The following SCGN variants were observed in gnomAD, a reference collection of about 807,000 sequenced individuals.
SCGN encodes the protein secretagogin.
Under a neutral mutation model 39.7 loss-of-function variants are expected in SCGN, and 30 were observed. The ratio of observed to expected loss-of-function variants is 0.76; its 90% CI spans 0.57 to 1.03. The LOEUF is 1.03. Among genes scored for constraint, SCGN ranks in the 50% least tolerant of loss-of-function variants. SCGN has a pLI of 0.00. For missense variants in SCGN, 353 were observed against 349.4 expected, an observed-to-expected ratio of 1.01 and a Z score of -0.08; for synonymous variants, 106 against 114.1, an observed-to-expected ratio of 0.93 and a Z score of 0.45.
intron 4 of SCGN, among the ~76,000 whole-genome samples, chr6:25,667,288 T>C (rs978286554): frequency 2.6e-5 from 4 of 152,166 alleles, no homozygotes; most frequent in African/African-American, 9.6e-5. Flanking sequence ...ATTCCACTTT[T>C]CCTGCCTTTG....
At chr6:25,683,353 C>A (rs1759662499) in intron 7 of SCGN, among the ~76,000 whole-genome samples, 1 of 152,148 alleles carries the variant, frequency 6.6e-6, no homozygotes. Context: ...CAAAAGCTTG[C>A]AATCTCATGG....
intron 6 of SCGN, among the ~76,000 whole-genome samples, chr6:25,671,157 G>A (rs1418440714): frequency 6.6e-6 from 1 of 152,142 alleles, no homozygotes; most frequent in East Asian, 1.9e-4. Flanking sequence ...TTTAATTGGT[G>A]TTTCCAAATA....
At position 25,661,510 on chromosome 6, in the gene SCGN, G is replaced by T. The variant is rs535880485; in HGVS notation, c.154-42G>T. The T allele has an allele frequency of 9.4e-5, 124 of 1,324,608 alleles. No homozygotes were observed. In the South Asian group the frequency reaches 1.4e-3, roughly 15 times the overall value. 82.1% of individuals were successfully genotyped at this position (1,324,608 alleles called of 1,614,324 possible). ...TTTGCCATCCTAACTATATCTTTGA[G>T]ATTCCAGTGGCTTTAATGTGGCTCT... On this transcript the variant is annotated intron_variant, in intron 2 of 10. Coordinates refer to ENST00000377961, the MANE Select transcript of SCGN (RefSeq NM_006998.4).
In SCGN at chr6:25,664,899, A is replaced by G. The variant is rs375883570; in HGVS notation, c.247-44A>G. The G allele has an allele frequency of 2.0e-6, 3 of 1,478,442 alleles. No individual in the cohort carries two copies. The African/African-American group carries it at 4.2e-5, about 20-fold the overall frequency. The allele number at this position is 1,478,442 out of a possible 1,614,324, so 91.6% of individuals were successfully genotyped here. A position where few individuals can be genotyped will look rare whatever the true frequency, so the allele number is the denominator to read the frequency against. ...TTACCAGGGAGCACTCTTGAAATGG[A>G]CACTGGCCAGTGTCCCTGACTGTTA... On this transcript the variant is annotated intron_variant, in intron 3 of 10. Coordinates refer to ENST00000377961, the MANE Select transcript of SCGN (RefSeq NM_006998.4).
intron 9 of SCGN, 46 bp from the exon 10 acceptor site, chr6:25,691,010 G>T: frequency 6.7e-7 from 1 of 1,482,424 alleles, no homozygotes; most frequent in Non-Finnish European, 9.4e-7. Context: ...CTTGCTTTTT[G>T]GCTTAAGAAA....
intron 2 of SCGN, among the ~76,000 whole-genome samples, chr6:25,658,419 A>G (rs1372219447): frequency 2.0e-5 from 3 of 151,822 alleles, no homozygotes; most frequent in African/African-American, 7.3e-5. Flanking sequence ...GTTGATGTTG[A>G]CAGAGTCAGA....
chr6:25,681,198 T>G (rs1217056169), intron 6 of SCGN, among the ~76,000 whole-genome samples: 1 of 152,234 alleles, frequency 6.6e-6, no homozygotes, highest in Non-Finnish European at 1.5e-5. Flanking sequence ...TGTAAACAAC[T>G]TCTTTGGACA....
At chr6:25,658,111 C>T (rs1021209416) in intron 2 of SCGN, among the ~76,000 whole-genome samples, 32 of 133,390 alleles carry the variant, frequency 2.4e-4, no homozygotes, top group African/African-American at 8.3e-4. Context: ...GCGATCTTGG[C>T]TCATTGCAAC....
At chr6:25,659,514 A>C (rs1440133290) in intron 2 of SCGN, among the ~76,000 whole-genome samples, 1 of 152,156 alleles carries the variant, frequency 6.6e-6, no homozygotes, top group Non-Finnish European at 1.5e-5. Context: ...AGTGTCTCAG[A>C]TTCTTAGAAA....
At chr6:25,700,286 GA>G (rs1759894411) in intron 10 of SCGN, among the ~76,000 whole-genome samples, 2 of 150,596 alleles carry the variant, frequency 1.3e-5, no homozygotes, top group South Asian at 4.3e-4. Flanking sequence ...AACCACGTGA[GA>G]TCCATTTTGA....
intron 6 of SCGN, among the ~76,000 whole-genome samples, chr6:25,681,674 C>T (rs926529812): frequency 9.2e-5 from 14 of 152,304 alleles, no homozygotes; most frequent in Middle Eastern, 3.4e-3. Context: ...AGAGTATAGA[C>T]AACATGAAGT....
At chr6:25,659,445 C>A (rs370827987) in intron 2 of SCGN, among the ~76,000 whole-genome samples, 1 of 152,170 alleles carries the variant, frequency 6.6e-6, no homozygotes, top group African/African-American at 2.4e-5. Flanking sequence ...GATTGTTCTG[C>A]CAGTATTCAG....
chr6:25,682,847 G>A (rs543654324), intron 7 of SCGN, among the ~76,000 whole-genome samples: 1 of 152,318 alleles, frequency 6.6e-6, no homozygotes, highest in African/African-American at 2.4e-5. Context: ...AAAGTCACAA[G>A]AAGATGTTGG....
intron 7 of SCGN, 22 bp from the exon 8 acceptor site, chr6:25,689,150 A>ATTTTT (rs11327870): frequency 3.1e-6 from 4 of 1,271,530 alleles, no homozygotes; most frequent in Non-Finnish European, 4.3e-6. Context: ...CCTTACGTGG[A>ATTTTT]TTTTTTTTTT....
At chr6:25,689,642 A>G in intron 9 of SCGN, 110 bp downstream of exon 9, 1 of 841,902 alleles carries the variant, frequency 1.2e-6, no homozygotes, top group Non-Finnish European at 2.0e-6. Flanking sequence ...GATGAATACC[A>G]ATCCCATCTG....
chr6:25,693,993 AT>A (rs1251398140), intron 10 of SCGN, among the ~76,000 whole-genome samples: 1 of 152,218 alleles, frequency 6.6e-6, no homozygotes, highest in Non-Finnish European at 1.5e-5. Context: ...GAAAATCTGT[AT>A]AAGGCAATTA....
intron 2 of SCGN, 144 bp downstream of exon 2, chr6:25,653,596 A>G (rs534341172): frequency 1.6e-4 from 101 of 625,878 alleles, no homozygotes; most frequent in Admixed American, 2.9e-4. Flanking sequence ...TCCTAGCAAC[A>G]TAGAGGGATT....
In SCGN at chr6:25,658,849, C is replaced by A. The variant is rs557871406; in HGVS notation, c.154-2703C>A. ...ACAATTCTATCTTTATACTTGCTGA[C>A]AAAAGTTTGTGTATGATTGAACAGG... On this transcript the variant is annotated intron_variant, in intron 2 of 10. Transcript: ENST00000377961. Among the ~76,000 whole-genome samples the A allele has an allele frequency of 5.0e-4, 76 of 152,242 alleles. 1 individual carries two copies. Among genetic ancestry groups the A allele is most frequent in the South Asian group, 8.3e-4 (4 of 4,812 alleles).
chr6:25,696,252 A>G (rs2151383905), intron 10 of SCGN, among the ~76,000 whole-genome samples: 1 of 152,286 alleles, frequency 6.6e-6, no homozygotes, highest in Non-Finnish European at 1.5e-5. Flanking sequence ...AGAAACCAGA[A>G]ACCAGAAAAA....
Sources: gnomAD v4.1 joint callset for allele counts (sites outside exome capture counted in the v4.1 genomes callset) on GRCh38, gnomAD v4.1.1 for gene constraint, MANE v1.5 for transcripts, NCBI Gene and HGNC (gene_info 2026-07-23, HGNC 2026-07-21) for gene names.